The following HERPUD2 variants were observed in gnomAD, a reference collection of about 807,000 sequenced individuals.
The protein encoded by HERPUD2 is HERPUD family member 2.
A neutral mutation model predicts 49.9 loss-of-function variants in HERPUD2; 13 were observed. That is an observed-to-expected ratio of 0.26 (90% confidence interval 0.17 to 0.41). The LOEUF (loss-of-function observed/expected upper bound fraction) is 0.41. HERPUD2 is among the 10% of genes least tolerant of loss of function. The pLI is 1.00. For synonymous variants in HERPUD2, 172 were observed against 171.4 expected (o/e 1.00, Z -0.03); for missense variants, 449 against 492.2 (o/e 0.91, Z 0.83).
intron 6 of HERPUD2, among the ~76,000 whole-genome samples, chr7:35,636,192 T>C (rs969005461): frequency 6.6e-6 from 1 of 152,220 alleles, no homozygotes; most frequent in African/African-American, 2.4e-5. Flanking sequence ...CTGACATGAA[T>C]TGATAAATGT....
chr7:35,657,737 G>A (rs10259992), intron 5 of HERPUD2, among the ~76,000 whole-genome samples: 45,910 of 148,826 alleles, frequency 0.31, 7,750 homozygotes, highest in Non-Finnish European at 0.38. Flanking sequence ...GTGAAACCCC[G>A]TCTCTACTAA....
At chr7:35,653,609 T>C (rs919410416) in intron 5 of HERPUD2, among the ~76,000 whole-genome samples, 14 of 151,826 alleles carry the variant, frequency 9.2e-5, no homozygotes, top group Admixed American at 7.9e-4. Context: ...AGAATACACA[T>C]TCTTCTCATC....
At chr7:35,649,475 C>T (rs1274524161) in intron 5 of HERPUD2, among the ~76,000 whole-genome samples, 4 of 152,180 alleles carry the variant, frequency 2.6e-5, no homozygotes, top group East Asian at 3.9e-4. Flanking sequence ...GAGCCAAATA[C>T]GAGTGACCGA....
At chr7:35,661,302 T>C (rs1198062076) in intron 5 of HERPUD2, among the ~76,000 whole-genome samples, 2 of 152,188 alleles carry the variant, frequency 1.3e-5, no homozygotes, top group Non-Finnish European at 2.9e-5. Context: ...TAGTTTGAGG[T>C]CAGGTAGCGT....
At chr7:35,659,124 G>C (rs1170560744) in intron 5 of HERPUD2, among the ~76,000 whole-genome samples, 2 of 152,150 alleles carry the variant, frequency 1.3e-5, no homozygotes, top group Non-Finnish European at 2.9e-5. Context: ...AAAGAGCAGA[G>C]CTGTTTTATT....
intron 2 of HERPUD2, among the ~76,000 whole-genome samples, chr7:35,693,052 C>A (rs1443461831): frequency 2.0e-5 from 3 of 152,142 alleles, no homozygotes; most frequent in African/African-American, 7.2e-5. Flanking sequence ...AATGCGAAAG[C>A]CTCACTTTCA....
At chr7:35,688,478 G>C (rs1562689288) in intron 2 of HERPUD2, among the ~76,000 whole-genome samples, 2 of 152,282 alleles carry the variant, frequency 1.3e-5, no homozygotes, top group East Asian at 3.9e-4. Context: ...GTTCAATAGA[G>C]CCTGTCAAAG....
intron 5 of HERPUD2, among the ~76,000 whole-genome samples, chr7:35,654,833 A>C (rs1349959074): frequency 6.6e-6 from 1 of 151,188 alleles, no homozygotes; most frequent in Non-Finnish European, 1.5e-5. Flanking sequence ...ACACCACTAC[A>C]TCCAACTAAT....
chr7:35,663,752 G>A (rs1222684432), intron 5 of HERPUD2, among the ~76,000 whole-genome samples: 1 of 151,984 alleles, frequency 6.6e-6, no homozygotes, highest in African/African-American at 2.4e-5. Context: ...CATTTGCTTG[G>A]TAGATCTTCC....
chr7:35,673,012 T>C (rs1204869726), intron 3 of HERPUD2, among the ~76,000 whole-genome samples, 189 bp downstream of exon 3: 1 of 152,184 alleles, frequency 6.6e-6, no homozygotes, highest in Non-Finnish European at 1.5e-5. Flanking sequence ...ATCAGATGGA[T>C]ATACAGAACT....
intron 6 of HERPUD2, among the ~76,000 whole-genome samples, chr7:35,636,884 T>C (rs139912102): frequency 1.7e-4 from 26 of 152,224 alleles, no homozygotes; most frequent in African/African-American, 4.3e-4. Flanking sequence ...ATCCCGGCAC[T>C]TTGGGTGGTC....
At chr7:35,661,137 T>A (rs1562676724) in intron 5 of HERPUD2, among the ~76,000 whole-genome samples, 1 of 152,212 alleles carries the variant, frequency 6.6e-6, no homozygotes, top group Non-Finnish European at 1.5e-5. Flanking sequence ...AAATAGGGAA[T>A]CCTTTCCCCA....
In HERPUD2 at chr7:35,633,595, T is replaced by C. The variant is rs1392186425; in HGVS notation, c.*95A>G. The C allele has an allele frequency of 2.6e-6, 3 of 1,152,142 alleles. No homozygotes were observed. The highest frequency in any genetic ancestry group is 3.7e-6 in the Non-Finnish European group (3 of 811,820). The allele number at this position is 1,152,142 out of a possible 1,614,324, so 71.4% of individuals were successfully genotyped here. On this transcript the variant is annotated 3_prime_UTR_variant, in exon 9 of 9. Coordinates refer to ENST00000311350, the MANE Select transcript of HERPUD2 (RefSeq NM_022373.5). ...AAAAAAACACCTCTGTACATGATGA[T>C]CAAAAGAAAGTTATAAATTTTTTTG...
intron 5 of HERPUD2, 136 bp from the exon 6 acceptor site, chr7:35,638,608 C>A: frequency 1.2e-6 from 1 of 828,674 alleles, no homozygotes; most frequent in South Asian, 2.2e-5. Context: ...TACTTACTTT[C>A]AACGATTCTT....
At position 35,655,883 on chromosome 7, in the gene HERPUD2, G is replaced by A. The variant is rs555760397; in HGVS notation, c.494+11551C>T. Among the ~76,000 whole-genome samples the A allele has an allele frequency of 2.3e-4, 35 of 152,298 alleles. 1 individual carries two copies. In the South Asian group the frequency reaches 6.6e-3, roughly 29 times the overall value. On this transcript the variant is annotated intron_variant, in intron 5 of 8. Transcript: ENST00000311350. ...AACTAGCTAAGAAAGAAATCGAGCC[G>A]AGTGTGGTGGCTCACGCCTGTAATC...
chr7:35,670,938 C>T (rs1366408595), intron 3 of HERPUD2, among the ~76,000 whole-genome samples: 1 of 151,802 alleles, frequency 6.6e-6, no homozygotes, highest in Non-Finnish European at 1.5e-5. Context: ...GGCATTTTAG[C>T]TTAGTGAGAT....
chr7:35,670,905 T>G (rs1326119633), intron 3 of HERPUD2, among the ~76,000 whole-genome samples: 1 of 151,990 alleles, frequency 6.6e-6, no homozygotes, highest in Non-Finnish European at 1.5e-5. Context: ...TGAAGAAAAA[T>G]ATTCCAAATA....
chr7:35,647,089 T>G (rs11767425), intron 5 of HERPUD2, among the ~76,000 whole-genome samples: 19,472 of 152,132 alleles, frequency 0.13, 1,511 homozygotes, highest in East Asian at 0.25. Context: ...GAGAAGAGAT[T>G]AAAGGAACTG....
intron 2 of HERPUD2, among the ~76,000 whole-genome samples, chr7:35,683,633 C>G (rs1016906302): frequency 6.6e-6 from 1 of 152,118 alleles, no homozygotes; most frequent in Non-Finnish European, 1.5e-5. Flanking sequence ...AGTAGACAAC[C>G]CACAGAGTGG....
Sources: allele counts gnomAD v4.1 joint callset (sites outside exome capture counted in the v4.1 genomes callset), GRCh38; gene constraint gnomAD v4.1.1; transcripts MANE v1.5; gene names NCBI Gene and HGNC (gene_info 2026-07-23, HGNC 2026-07-21).